Variants in NBEA observed in about 807,000 individuals in gnomAD.
NBEA encodes lysosomal-trafficking regulator 2.
Under a neutral mutation model 343.4 loss-of-function variants are expected in NBEA, and 44 were observed. The ratio of observed to expected loss-of-function variants is 0.13; its 90% CI spans 0.10 to 0.16. The LOEUF (loss-of-function observed/expected upper bound fraction) is 0.16, where lower values mean the gene tolerates loss of function less well. NBEA is among the 10% of genes least tolerant of loss of function. The probability of loss-of-function intolerance (pLI) is 1.00; values close to 1 mark genes in which losing one functional copy is unlikely to be tolerated. For synonymous variants in NBEA, 1,175 were observed against 1,238.7 expected (o/e 0.95, Z 1.08); for missense variants, 2,555 against 3,631.3 (o/e 0.70, Z 7.62).
intron 49 of NBEA, among the ~76,000 whole-genome samples, chr13:35,640,854 C>A (rs1254001082): frequency 2.6e-5 from 4 of 151,808 alleles, no homozygotes; most frequent in Non-Finnish European, 5.9e-5. Flanking sequence ...ATCTTTACTT[C>A]TCTGCCTATA....
intron 44 of NBEA, among the ~76,000 whole-genome samples, chr13:35,564,308 A>T (rs927561544): frequency 2.6e-5 from 4 of 152,026 alleles, no homozygotes; most frequent in Non-Finnish European, 2.9e-5. Flanking sequence ...GATAGGTAGC[A>T]TCAGCATTAT....
chr13:35,583,753 T>G (rs552399948), intron 45 of NBEA, 145 bp from the exon 46 acceptor site: 94 of 624,122 alleles, frequency 1.5e-4, no homozygotes, highest in Middle Eastern at 4.2e-4. Flanking sequence ...CAAAATCCAG[T>G]ATGGTTAAAA....
chr13:35,279,261 G>T lies in NBEA; in HGVS notation c.5777-11128G>T, dbSNP rs1028785470. Reference sequence around the variant, plus strand: ...ACAGGATCATGATATGAAATGTATTGCTGTAGACTGTAATAAAAAAGATTT... The same window carrying T: ...ACAGGATCATGATATGAAATGTATTTCTGTAGACTGTAATAAAAAAGATTT... On this transcript the variant is annotated intron_variant, in intron 34 of 58. Transcript: ENST00000379939. Among the ~76,000 whole-genome samples, 5 of 152,256 alleles carry T rather than the reference G, an allele frequency of 3.3e-5. No homozygotes were observed. The East Asian group carries it at 5.8e-4, about 18-fold the overall frequency.
intron 1 of NBEA, among the ~76,000 whole-genome samples, chr13:35,033,226 T>C (rs1015379211): frequency 2.0e-5 from 3 of 151,982 alleles, no homozygotes; most frequent in Non-Finnish European, 4.4e-5. Flanking sequence ...TGCATACAGA[T>C]ATCCAGTTTT....
intron 1 of NBEA, among the ~76,000 whole-genome samples, chr13:35,015,156 A>C (rs1480737989): frequency 1.2e-4 from 18 of 144,118 alleles, no homozygotes; most frequent in African/African-American, 3.9e-4. Context: ...AAAAAAAAAA[A>C]CCACACACAA....
intron 38 of NBEA, among the ~76,000 whole-genome samples, chr13:35,370,975 C>T (rs553520818): frequency 2.0e-5 from 3 of 152,146 alleles, no homozygotes; most frequent in African/African-American, 7.2e-5. Context: ...GCTGAGAAAT[C>T]CCTTACTAGT....
intron 34 of NBEA, among the ~76,000 whole-genome samples, chr13:35,285,960 A>G (rs1338825549): frequency 6.6e-6 from 1 of 152,076 alleles, no homozygotes; most frequent in Non-Finnish European, 1.5e-5. Context: ...TATACCTCAG[A>G]CATTTCTCTG....
intron 31 of NBEA, among the ~76,000 whole-genome samples, chr13:35,206,245 T>C (rs1381666104): frequency 6.6e-6 from 1 of 152,182 alleles, no homozygotes; most frequent in Non-Finnish European, 1.5e-5. Context: ...ACCAGTCTGT[T>C]ACAGAGAGCT....
chr13:34,958,015 A>G (rs545932673), intron 1 of NBEA, among the ~76,000 whole-genome samples: 111 of 152,246 alleles, frequency 7.3e-4, no homozygotes, highest in South Asian at 1.5e-3. Flanking sequence ...AAAATACACA[A>G]TGAATTTCAA....
intron 49 of NBEA, among the ~76,000 whole-genome samples, chr13:35,638,813 G>A (rs1167380285): frequency 6.6e-6 from 1 of 152,158 alleles, no homozygotes; most frequent in East Asian, 1.9e-4. Flanking sequence ...AAATATTCTG[G>A]ATGGAGCATT....
Position 35,618,234 on chromosome 13 carries a change from A to G in NBEA, c.7450-9847A>G, listed in dbSNP as rs143083632. Among the ~76,000 whole-genome samples the G allele has an allele frequency of 8.5e-5, 13 of 152,326 alleles. No individual in the cohort carries two copies. In the East Asian group the frequency reaches 2.5e-3, roughly 29 times the overall value. On this transcript the variant is annotated intron_variant, in intron 48 of 58. Coordinates refer to ENST00000379939, the MANE Select transcript of NBEA (RefSeq NM_001385012.1). The stretch of plus-strand genomic sequence containing the variant: ...TTGTATGGATTAGTATTCTGTACCT[A>G]TGAGTATTCCCTCCTTCTTTCAAAC...
At chr13:35,621,262 C>T (rs573638876) in intron 48 of NBEA, among the ~76,000 whole-genome samples, 1 of 152,276 alleles carries the variant, frequency 6.6e-6, no homozygotes, top group Admixed American at 6.5e-5. Context: ...CACAGCATCC[C>T]AGGGCCTAGA....
At chr13:35,086,052 ACAAAC>A in intron 10 of NBEA, among the ~76,000 whole-genome samples, 1 of 152,290 alleles carries the variant, frequency 6.6e-6, no homozygotes, top group Non-Finnish European at 1.5e-5. Flanking sequence ...AAGGAGAACT[ACAAAC>A]CACTGCTCAA....
chr13:35,570,916 C>T (rs1214560989), intron 45 of NBEA, among the ~76,000 whole-genome samples: 1 of 152,106 alleles, frequency 6.6e-6, no homozygotes, highest in Non-Finnish European at 1.5e-5. Context: ...CACTAAGAAG[C>T]ACATGAAGTT....
At position 35,110,875 on chromosome 13, in the gene NBEA, C is replaced by T. The variant is rs570619828; in HGVS notation, c.1899C>T (p.Thr633=). 6 of 1,612,162 alleles carry T rather than the reference C, an allele frequency of 3.7e-6. No individual in the cohort carries two copies. In the African/African-American group the frequency reaches 4.0e-5, roughly 11 times the overall value. Residue 633 remains threonine, a synonymous_variant, in exon 13 of 59, where the codon ACC becomes ACT. Transcript: ENST00000379939. The part of the protein sequence containing the change: ...EFIGTATIYT[T]IRRVGTVLQL... Reference sequence around the variant, plus strand: ...TTGGAACTGCTACCATCTACACCACCATACGCAGAGTAGGAACAGTATTAC... The same window carrying T: ...TTGGAACTGCTACCATCTACACCACTATACGCAGAGTAGGAACAGTATTAC...
intron 40 of NBEA, among the ~76,000 whole-genome samples, chr13:35,465,909 G>C (rs776596089): frequency 6.6e-6 from 1 of 151,584 alleles, no homozygotes; most frequent in East Asian, 1.9e-4. Context: ...GTAGGTTAAA[G>C]TTAGAGCATA....
At chr13:35,568,801 A>G (rs1303992844) in intron 45 of NBEA, among the ~76,000 whole-genome samples, 1 of 152,184 alleles carries the variant, frequency 6.6e-6, no homozygotes, top group East Asian at 1.9e-4. Flanking sequence ...ATCAGTGCTT[A>G]AAAACTTGGA....
intron 16 of NBEA, 70 bp from the exon 17 acceptor site, chr13:35,123,412 G>A (rs1593421386): frequency 1.3e-6 from 1 of 750,220 alleles, no homozygotes; most frequent in East Asian, 3.0e-5. Context: ...TAATTTATCT[G>A]TAAAGCATGT....
intron 38 of NBEA, among the ~76,000 whole-genome samples, chr13:35,413,683 A>T (rs1236995992): frequency 2.0e-5 from 3 of 152,170 alleles, no homozygotes; most frequent in Non-Finnish European, 4.4e-5. Context: ...AATATTAATT[A>T]TCATAATACA....
Sources: gnomAD v4.1 joint callset for allele counts (sites outside exome capture counted in the v4.1 genomes callset) on GRCh38, gnomAD v4.1.1 for gene constraint, MANE v1.5 for transcripts, NCBI Gene and HGNC (gene_info 2026-07-23, HGNC 2026-07-21) for gene names.